DNAJC5B: variants seen among roughly 807,000 people sequenced by gnomAD.
DNAJC5B encodes DnaJ heat shock protein family (Hsp40) member C5 beta.
DNAJC5B carries 23 observed loss-of-function variants against 24.7 expected under a neutral mutation model. That is an observed-to-expected ratio of 0.93 (90% confidence interval 0.67 to 1.32). The LOEUF is 1.32. Ranked by LOEUF, DNAJC5B falls within the 40% of genes most tolerant of loss-of-function variation. DNAJC5B has a pLI of 0.00. For missense variants in DNAJC5B, 238 were observed against 240.8 expected, an observed-to-expected ratio of 0.99 and a Z score of 0.08; for synonymous variants, 101 against 90.1, an observed-to-expected ratio of 1.12 and a Z score of -0.68.
At chr8:66,033,108 T>A (rs932805232) in intron 1 of DNAJC5B, among the ~76,000 whole-genome samples, 5 of 152,210 alleles carry the variant, frequency 3.3e-5, no homozygotes, top group African/African-American at 1.2e-4. Context: ...GTGCTTCTGG[T>A]GTATCCCACA....
chr8:66,043,944 A>C (rs1806671400), intron 2 of DNAJC5B, among the ~76,000 whole-genome samples: 1 of 149,206 alleles, frequency 6.7e-6, no homozygotes, highest in African/African-American at 2.5e-5. Flanking sequence ...CTCCTGCCTC[A>C]GCCTCCTGAG....
intron 1 of DNAJC5B, among the ~76,000 whole-genome samples, chr8:66,039,589 A>T (rs561513648): frequency 2.0e-5 from 3 of 152,214 alleles, no homozygotes; most frequent in Admixed American, 2.0e-4. Flanking sequence ...ACCTCAGGTG[A>T]TCCACCAGCT....
intron 5 of DNAJC5B, among the ~76,000 whole-genome samples, chr8:66,093,699 T>C (rs918149244): frequency 2.0e-5 from 3 of 152,224 alleles, no homozygotes; most frequent in African/African-American, 7.2e-5. Flanking sequence ...TATGGCATTT[T>C]TTGATGAATC....
At chr8:66,042,204 C>G (rs1403904262) in intron 1 of DNAJC5B, among the ~76,000 whole-genome samples, 1 of 152,154 alleles carries the variant, frequency 6.6e-6, no homozygotes, top group Non-Finnish European at 1.5e-5. Flanking sequence ...CAGTATATTT[C>G]TAGAAGTTAG....
At chr8:66,078,380 A>G (rs1368929796) in intron 4 of DNAJC5B, among the ~76,000 whole-genome samples, 3 of 152,204 alleles carry the variant, frequency 2.0e-5, no homozygotes, top group Non-Finnish European at 2.9e-5. Flanking sequence ...TATGCACTAC[A>G]TGAATGAATC....
At chr8:66,066,099 A>G (rs984570559) in intron 3 of DNAJC5B, among the ~76,000 whole-genome samples, 1 of 152,256 alleles carries the variant, frequency 6.6e-6, no homozygotes, top group Non-Finnish European at 1.5e-5. Flanking sequence ...AAAAGAACAT[A>G]TACAAATGGC....
intron 5 of DNAJC5B, among the ~76,000 whole-genome samples, chr8:66,094,337 C>T (rs887341785): frequency 7.9e-5 from 12 of 151,992 alleles, no homozygotes; most frequent in African/African-American, 2.9e-4. Flanking sequence ...CATTTATTAG[C>T]TTTCACTAAG....
intron 4 of DNAJC5B, among the ~76,000 whole-genome samples, chr8:66,079,043 CT>C (rs1807534030): frequency 6.6e-6 from 1 of 152,150 alleles, no homozygotes. Context: ...TTGATAAAAT[CT>C]TAAATTGATT....
intron 5 of DNAJC5B, among the ~76,000 whole-genome samples, chr8:66,088,807 G>T (rs536302999): frequency 6.6e-6 from 1 of 152,118 alleles, no homozygotes; most frequent in African/African-American, 2.4e-5. Flanking sequence ...GACCACCTCA[G>T]CCTGGACTTC....
At chr8:66,076,895 T>C in intron 4 of DNAJC5B, 22 bp downstream of exon 4, 1 of 1,612,854 alleles carries the variant, frequency 6.2e-7, no homozygotes, top group Non-Finnish European at 8.5e-7. Context: ...TTTCCTTTCT[T>C]CACAATCTCC....
chr8:66,077,955 G>GTAGATTTAGGAGTAGATTTAGTGATTTT (rs1239598067), intron 4 of DNAJC5B, among the ~76,000 whole-genome samples: 2 of 151,950 alleles, frequency 1.3e-5, no homozygotes, highest in Non-Finnish European at 1.5e-5. Context: ...AATTTGGAAT[G>GTAGATTTAGGAGTAGATTTAGTGATTTT]AGAGTGTACA....
chr8:66,018,379 G>A (rs963765212), upstream of DNAJC5B, among the ~76,000 whole-genome samples: 3 of 107,134 alleles, frequency 2.8e-5, no homozygotes, highest in East Asian at 2.0e-4. Context: ...TTAGCTGGGC[G>A]TGGTGGGGGG....
intron 1 of DNAJC5B, among the ~76,000 whole-genome samples, chr8:66,023,177 A>T (rs1806178748): frequency 6.6e-6 from 1 of 152,204 alleles, no homozygotes. Context: ...AGTGCTGGGG[A>T]CTAAAGTTTA....
intron 1 of DNAJC5B, among the ~76,000 whole-genome samples, chr8:66,023,169 T>C (rs1024347066): frequency 6.6e-6 from 1 of 152,242 alleles, no homozygotes; most frequent in Non-Finnish European, 1.5e-5. Flanking sequence ...AGCTAGTTAG[T>C]GCTGGGGACT....
Position 66,051,644 on chromosome 8 carries a change from GAA to G in DNAJC5B, c.98_99del (p.Glu33GlyfsTer3). 1 of 1,612,308 alleles carries G rather than the reference GAA, an allele frequency of 6.2e-7. No homozygotes were observed. Among genetic ancestry groups the G allele is most frequent in the South Asian group, 1.1e-5 (1 of 90,546 alleles). ...TGGTCTGCATAAGGGAGCATCAAAT[GAA>G]GAAATTAAGAAAACCTACAGGTACG... The part of the protein sequence containing the change: ...ILGLHKGASN[E>X]EIKKTYRKLA... On this transcript the variant is annotated frameshift_variant, in exon 3 of 6. Transcript: ENST00000276570. LOFTEE classifies it high-confidence loss of function.
chr8:66,041,275 A>G (rs1183238629), intron 1 of DNAJC5B, among the ~76,000 whole-genome samples: 1 of 152,232 alleles, frequency 6.6e-6, no homozygotes, highest in Non-Finnish European at 1.5e-5. Flanking sequence ...CATGTTCGAA[A>G]CAAGTGGTGT....
rs1334354002 is a variant in DNAJC5B at position 66,046,891 on chromosome 8, T to C, written c.-18+3280T>C. ...CACGTTCTCCGGATGGTGCACAAAC[T>C]TTGGATGTCCATTATTTTATGAAGG... is the stretch of plus-strand genomic sequence containing the variant. On this transcript the variant is annotated intron_variant, in intron 2 of 5. Transcript: ENST00000276570. 2.0e-5 allele frequency among the ~76,000 whole-genome samples: 3 copies of C among 152,214 alleles called. No homozygotes were observed. In the East Asian group the frequency reaches 5.8e-4, roughly 29 times the overall value.
At chr8:66,098,798 T>G (rs2128967639) in intron 5 of DNAJC5B, among the ~76,000 whole-genome samples, 1 of 152,248 alleles carries the variant, frequency 6.6e-6, no homozygotes, top group African/African-American at 2.4e-5. Flanking sequence ...CTCCAGAAAT[T>G]CTGTTTAAAA....
At chr8:66,051,770 C>A in intron 3 of DNAJC5B, 104 bp downstream of exon 3, 1 of 807,448 alleles carries the variant, frequency 1.2e-6, no homozygotes, top group African/African-American at 1.7e-5. Context: ...ACCAGTAATC[C>A]AAATTTTAGA....
Sources: gnomAD v4.1 joint callset for allele counts (sites outside exome capture counted in the v4.1 genomes callset) on GRCh38, gnomAD v4.1.1 for gene constraint, MANE v1.5 for transcripts, NCBI Gene and HGNC (gene_info 2026-07-23, HGNC 2026-07-21) for gene names.